Variants in BICC1 observed in about 807,000 individuals in gnomAD.
BICC1 encodes the protein BicC family RNA binding protein 1, also known as protein bicaudal C homolog 1.
BICC1 carries 43 observed loss-of-function variants against 111.0 expected under a neutral mutation model. The ratio of observed to expected loss-of-function variants is 0.39; its 90% CI spans 0.30 to 0.50. BICC1 has a LOEUF of 0.50. Ranked by LOEUF, BICC1 falls within the 20% of genes least tolerant of loss-of-function variation. BICC1 has a pLI of 0.88. For missense variants in BICC1, 1,091 were observed against 1,203.2 expected (o/e 0.91, Z 1.38); for synonymous variants, 467 against 434.4 (o/e 1.07, Z -0.93).
Position 58,803,165 on chromosome 10 carries a change from G to A in BICC1, c.2104G>A (p.Ala702Thr). 1 of 1,611,862 alleles carries A rather than the reference G, an allele frequency of 6.2e-7. No individual in the cohort carries two copies. The highest frequency in any genetic ancestry group is 8.5e-7 in the Non-Finnish European group (1 of 1,178,932). The stretch of plus-strand genomic sequence containing the variant: ...GAAGGCTCCAGGGAGTGAGCGCGCT[G>A]CAGAGAGGGCAGCAGCTGCCCAGCA... ...DKKAPGSERA[A>T]ERAAAAQQNS... The change falls in exon 15 of 21, where the codon GCA becomes ACA. Residue 702 changes from alanine (A) to threonine (T), a missense_variant. By Grantham distance (58) the Ala-to-Thr change is moderately conservative. Coordinates refer to ENST00000373886, the MANE Select transcript of BICC1 (RefSeq NM_001080512.3).
At chr10:58,678,561 A>C (rs113513479) in intron 2 of BICC1, among the ~76,000 whole-genome samples, 2,498 of 152,214 alleles carry the variant, frequency 0.016, 72 homozygotes, top group African/African-American at 0.057. Flanking sequence ...ACCTACAAAG[A>C]ACTTAGATCC....
At chr10:58,814,520 C>T (rs1169052126) in intron 18 of BICC1, among the ~76,000 whole-genome samples, 1 of 151,620 alleles carries the variant, frequency 6.6e-6, no homozygotes, top group African/African-American at 2.4e-5. Context: ...GCAGCTCTCA[C>T]CTGTAATCCC....
At chr10:58,822,506 G>GT (rs1564633189) in intron 20 of BICC1, among the ~76,000 whole-genome samples, 1 of 151,958 alleles carries the variant, frequency 6.6e-6, no homozygotes, top group East Asian at 1.9e-4. Flanking sequence ...TTCTGTTGAG[G>GT]TTATATAGTA....
At chr10:58,822,727 C>T (rs1844287721) in intron 20 of BICC1, among the ~76,000 whole-genome samples, 1 of 151,992 alleles carries the variant, frequency 6.6e-6, no homozygotes, top group Admixed American at 6.6e-5. Context: ...TGAGAAAATT[C>T]TTCATCAAAA....
At position 58,638,697 on chromosome 10, in the gene BICC1, G is replaced by A. The variant is rs543992983; in HGVS notation, c.237+17796G>A. ...GCTACTTGTACCAATAAGAGCCACC[G>A]CTTGTTGTGAAAAGAGCACCAATGA... On this transcript the variant is annotated intron_variant, in intron 2 of 20. Coordinates refer to ENST00000373886, the MANE Select transcript of BICC1 (RefSeq NM_001080512.3). Among the ~76,000 whole-genome samples the A allele has an allele frequency of 3.3e-5, 5 of 152,256 alleles. No homozygotes were observed. In the South Asian group the frequency reaches 6.2e-4, roughly 19 times the overall value.
chr10:58,572,392 CCTTT>C (rs1843984702), intron 1 of BICC1, among the ~76,000 whole-genome samples: 1 of 151,896 alleles, frequency 6.6e-6, no homozygotes, highest in Admixed American at 6.6e-5. Flanking sequence ...AATATTTGCC[CCTTT>C]CTATGTCCTG....
At chr10:58,545,306 A>G in intron 1 of BICC1, among the ~76,000 whole-genome samples, 1 of 152,178 alleles carries the variant, frequency 6.6e-6, no homozygotes, top group East Asian at 1.9e-4. Flanking sequence ...AAAAAAGGAA[A>G]AAAAGAAATT....
chr10:58,695,838 A>G (rs1000116076), intron 2 of BICC1, among the ~76,000 whole-genome samples: 6 of 152,194 alleles, frequency 3.9e-5, no homozygotes, highest in African/African-American at 2.4e-5. Flanking sequence ...AGATAAATCT[A>G]TTATGACTTG....
intron 1 of BICC1, among the ~76,000 whole-genome samples, chr10:58,593,714 C>T (rs190864331): frequency 3.6e-4 from 55 of 152,150 alleles, no homozygotes; most frequent in African/African-American, 1.2e-3. Context: ...AGACCCCATC[C>T]GAAGGTCACC....
chr10:58,521,824 C>G (rs1649025), intron 1 of BICC1, among the ~76,000 whole-genome samples: 75,844 of 130,296 alleles, frequency 0.58, 22,259 homozygotes, highest in African/African-American at 0.74. Flanking sequence ...TACACTTTGG[C>G]CTTCCCTCTC....
chr10:58,722,547 T>G (rs1464364956), intron 3 of BICC1, among the ~76,000 whole-genome samples: 1 of 152,238 alleles, frequency 6.6e-6, no homozygotes, highest in African/African-American at 2.4e-5. Flanking sequence ...GGAACATGTA[T>G]TTTTTAATCA....
At chr10:58,670,975 A>C (rs1839166962) in intron 2 of BICC1, among the ~76,000 whole-genome samples, 1 of 152,178 alleles carries the variant, frequency 6.6e-6, no homozygotes, top group African/African-American at 2.4e-5. Context: ...CATTTATATG[A>C]TATTCTAGAA....
rs1843499317 is a variant in BICC1, at chr10:58,800,257, AATCACGGGG to A, written c.1793_1801del (p.His598_Asp600del). On this transcript the variant is annotated inframe_deletion, in exon 13 of 21. Coordinates refer to ENST00000373886, the MANE Select transcript of BICC1 (RefSeq NM_001080512.3). ...ACTTGGAGAAAAAGTGCTGAGTGCA[AATCACGGGG>A]ATCCGTCCATCCAGACAAGTGGGTC... 1 of 1,613,410 alleles carries A rather than the reference AATCACGGGG, an allele frequency of 6.2e-7. No individual in the cohort carries two copies. Among genetic ancestry groups the A allele is most frequent in the African/African-American group, 1.3e-5 (1 of 74,916 alleles).
chr10:58,513,956 G>C (rs1842172680), intron 1 of BICC1, among the ~76,000 whole-genome samples: 1 of 152,194 alleles, frequency 6.6e-6, no homozygotes, highest in Non-Finnish European at 1.5e-5. Context: ...TTCATCTCTT[G>C]ACAGGCTTAT....
At chr10:58,743,798 A>T (rs1490118024) in intron 3 of BICC1, among the ~76,000 whole-genome samples, 1 of 149,156 alleles carries the variant, frequency 6.7e-6, no homozygotes, top group Non-Finnish European at 1.5e-5. Context: ...TTTTTAAAGC[A>T]GATGGGTTAT....
At chr10:58,676,561 T>C (rs1226321371) in intron 2 of BICC1, among the ~76,000 whole-genome samples, 1 of 152,150 alleles carries the variant, frequency 6.6e-6, no homozygotes, top group Non-Finnish European at 1.5e-5. Context: ...GGCTTATAGC[T>C]AAAACTCTCA....
intron 1 of BICC1, among the ~76,000 whole-genome samples, chr10:58,596,341 G>T (rs1160593054): frequency 2.6e-5 from 4 of 152,070 alleles, no homozygotes; most frequent in African/African-American, 4.8e-5. Flanking sequence ...ATGCAGAAAA[G>T]GCCTTCAACA....
intron 2 of BICC1, among the ~76,000 whole-genome samples, chr10:58,699,785 C>T (rs973923650): frequency 3.3e-5 from 5 of 151,972 alleles, no homozygotes; most frequent in Non-Finnish European, 7.4e-5. Flanking sequence ...TCCTTGAACT[C>T]CTGGGCTCAA....
chr10:58,789,984 A>C, intron 8 of BICC1, 51 bp downstream of exon 8: 1 of 1,588,780 alleles, frequency 6.3e-7, no homozygotes, highest in Non-Finnish European at 8.6e-7. Context: ...CTTTGGATTC[A>C]GTGCATGTTT....
Sources: allele counts gnomAD v4.1 joint callset (sites outside exome capture counted in the v4.1 genomes callset), GRCh38; gene constraint gnomAD v4.1.1; transcripts MANE v1.5; gene names NCBI Gene and HGNC (gene_info 2026-07-23, HGNC 2026-07-21).